The following NEDD4L variants were observed in gnomAD, a reference collection of about 807,000 sequenced individuals.
NEDD4L encodes the protein E3 ubiquitin-protein ligase NEDD4-like.
Under a neutral mutation model 148.9 loss-of-function variants are expected in NEDD4L, and 54 were observed. The ratio of observed to expected loss-of-function variants is 0.36; its 90% CI spans 0.29 to 0.45. The LOEUF (loss-of-function observed/expected upper bound fraction) is 0.45. Among genes scored for constraint, NEDD4L ranks in the 20% least tolerant of loss-of-function variants. The pLI is 1.00. For missense variants in NEDD4L, 856 were observed against 1,233.8 expected (o/e 0.69, Z 4.59); for synonymous variants, 433 against 440.7 (o/e 0.98, Z 0.22).
At chr18:58,299,761 C>A (rs931201596) in intron 5 of NEDD4L, among the ~76,000 whole-genome samples, 2 of 152,042 alleles carry the variant, frequency 1.3e-5, no homozygotes, top group Non-Finnish European at 2.9e-5. Flanking sequence ...AAAGGCTTTC[C>A]GGTGTCTTTT....
At chr18:58,321,539 A>T (rs1259845661) in intron 6 of NEDD4L, among the ~76,000 whole-genome samples, 1 of 152,236 alleles carries the variant, frequency 6.6e-6, no homozygotes, top group African/African-American at 2.4e-5. Flanking sequence ...TCAGTTTATT[A>T]TGAGAGGAGT....
chr18:58,356,551 C>T (rs1019913008), intron 18 of NEDD4L, among the ~76,000 whole-genome samples: 1 of 152,210 alleles, frequency 6.6e-6, no homozygotes, highest in South Asian at 2.1e-4. Context: ...GTCTTGTGCA[C>T]ATTAACTCAC....
In NEDD4L at chr18:58,328,898, T is replaced by C. The variant is rs1025496480; in HGVS notation, c.681-97T>C. The C allele has an allele frequency of 1.5e-5, 21 of 1,379,532 alleles. No homozygotes were observed. The Admixed American group carries it at 2.4e-4, about 16-fold the overall frequency. The allele number at this position is 1,379,532 out of a possible 1,614,324, so 85.5% of individuals were successfully genotyped here. ...TTGTCAGTGTTTGACGCTGACACTT[T>C]AGTGGCCATCTGGCCCTCCGTGAGC... On this transcript the variant is annotated intron_variant, in intron 9 of 30. Coordinates refer to ENST00000400345, the MANE Select transcript of NEDD4L (RefSeq NM_001144967.3).
At chr18:58,140,608 T>C (rs1397681077) in intron 1 of NEDD4L, among the ~76,000 whole-genome samples, 1 of 152,256 alleles carries the variant, frequency 6.6e-6, no homozygotes, top group African/African-American at 2.4e-5. Context: ...CCAATCAGGT[T>C]GCTTCCTTTA....
At chr18:58,336,135 A>G (rs931135435) in intron 13 of NEDD4L, 2 of 152,306 alleles carry the variant, frequency 1.3e-5, no homozygotes, top group Non-Finnish European at 2.9e-5. Context: ...ATGTTTCTCT[A>G]AGCCAACCAT....
chr18:58,243,361 A>T (rs1040069456), intron 2 of NEDD4L, among the ~76,000 whole-genome samples: 6 of 152,222 alleles, frequency 3.9e-5, no homozygotes, highest in Non-Finnish European at 8.8e-5. Context: ...TTGTGGCTGG[A>T]AATTGAAAAT....
At chr18:58,066,909 T>C (rs1304657429) in intron 1 of NEDD4L, among the ~76,000 whole-genome samples, 1 of 152,166 alleles carries the variant, frequency 6.6e-6, no homozygotes, top group Non-Finnish European at 1.5e-5. Context: ...CATCTCCTTG[T>C]ACCAGGCCCC....
chr18:58,343,096 C>T lies in NEDD4L; in HGVS notation c.1568C>T (p.Thr523Ile). The T allele has an allele frequency of 6.2e-7, 1 of 1,601,874 alleles. No homozygotes were observed. The highest frequency in any genetic ancestry group is 8.5e-7 in the Non-Finnish European group (1 of 1,173,534). ...PFFIDHNTKT[T>I]TWEDPRLKFP... ...TTCATTGATCATAACACAAAGACTA[C>T]AACCTGGGTAAGGCTGCTGCTTTTA... Residue 523 changes from threonine (T) to isoleucine (I), a missense_variant, in exon 16 of 31, where the codon ACA becomes ATA. By Grantham distance (89) the Thr-to-Ile change is moderately conservative. Transcript: ENST00000400345.
intron 2 of NEDD4L, among the ~76,000 whole-genome samples, chr18:58,192,346 G>A (rs1007554775): frequency 6.6e-6 from 1 of 152,184 alleles, no homozygotes; most frequent in African/African-American, 2.4e-5. Flanking sequence ...TTGACTGTGT[G>A]TAAGGTGCCA....
chr18:58,362,980 A>T (rs1235905716), intron 19 of NEDD4L, among the ~76,000 whole-genome samples: 1 of 152,206 alleles, frequency 6.6e-6, no homozygotes, highest in Non-Finnish European at 1.5e-5. Flanking sequence ...AATAAATAGG[A>T]TGTGAGGTCA....
intron 2 of NEDD4L, among the ~76,000 whole-genome samples, chr18:58,176,368 C>T (rs78919951): frequency 0.011 from 1,600 of 152,230 alleles, 24 homozygotes; most frequent in African/African-American, 0.037. Flanking sequence ...AGGAGTCTTG[C>T]TCTGTTGCAC....
intron 1 of NEDD4L, among the ~76,000 whole-genome samples, chr18:58,156,024 C>T (rs2035445731): frequency 6.6e-6 from 1 of 152,172 alleles, no homozygotes; most frequent in African/African-American, 2.4e-5. Flanking sequence ...CTCTGTCTTC[C>T]CAGCTGGTGA....
At chr18:58,291,152 G>T (rs565630996) in intron 5 of NEDD4L, among the ~76,000 whole-genome samples, 1 of 93,764 alleles carries the variant, frequency 1.1e-5, no homozygotes, top group Non-Finnish European at 2.2e-5. Flanking sequence ...AGGCCGACCA[G>T]CCCACATGGT....
At chr18:58,079,091 G>A (rs916642506) in intron 1 of NEDD4L, among the ~76,000 whole-genome samples, 2 of 152,156 alleles carry the variant, frequency 1.3e-5, no homozygotes, top group Admixed American at 6.5e-5. Flanking sequence ...CCGTGTCTGC[G>A]GGGTGTGTGT....
chr18:58,373,444 A>T (rs933382346), intron 24 of NEDD4L, among the ~76,000 whole-genome samples, 175 bp downstream of exon 24: 1 of 152,218 alleles, frequency 6.6e-6, no homozygotes, highest in Non-Finnish European at 1.5e-5. Flanking sequence ...CCACACTCCA[A>T]TTACAACCAT....
At chr18:58,255,418 T>C (rs1002636291) in intron 5 of NEDD4L, 111 of 974,272 alleles carry the variant, frequency 1.1e-4, no homozygotes, top group Non-Finnish European at 1.4e-4. Context: ...CCCTACCCTC[T>C]GTCACAGTGT....
intron 28 of NEDD4L, chr18:58,389,427 G>T: frequency 2.5e-6 from 1 of 396,774 alleles, no homozygotes; most frequent in Non-Finnish European, 4.5e-6. Context: ...AAAGCACACT[G>T]GCCTTCCTTG....
At chr18:58,255,581 C>T (rs1568486774) in intron 5 of NEDD4L, 1 of 1,231,990 alleles carries the variant, frequency 8.1e-7, no homozygotes, top group Non-Finnish European at 1.0e-6. Flanking sequence ...TTTGTGACTT[C>T]TGGCAGTGTC....
intron 1 of NEDD4L, among the ~76,000 whole-genome samples, chr18:58,157,418 T>C (rs1221870116): frequency 1.3e-5 from 2 of 152,184 alleles, no homozygotes; most frequent in African/African-American, 4.8e-5. Flanking sequence ...TACCAGTTTC[T>C]TGTGTCCATG....
Sources: gnomAD v4.1 joint callset for allele counts (sites outside exome capture counted in the v4.1 genomes callset) on GRCh38, gnomAD v4.1.1 for gene constraint, MANE v1.5 for transcripts, NCBI Gene and HGNC (gene_info 2026-07-23, HGNC 2026-07-21) for gene names.